CELF1: variants seen among roughly 807,000 people sequenced by gnomAD.
The protein encoded by CELF1 is CUGBP Elav-like family member 1.
CELF1 carries 10 observed loss-of-function variants against 61.8 expected under a neutral mutation model. That is an observed-to-expected ratio of 0.16 (90% confidence interval 0.10 to 0.27). CELF1 has a LOEUF of 0.27. Ranked by LOEUF, CELF1 falls within the 10% of genes least tolerant of loss-of-function variation. The pLI, the probability that CELF1 is intolerant of heterozygous loss-of-function variation, is 1.00. For missense variants in CELF1, 380 were observed against 639.1 expected, an observed-to-expected ratio of 0.59 and a Z score of 4.37; for synonymous variants, 236 against 225.1, an observed-to-expected ratio of 1.05 and a Z score of -0.43.
At chr11:47,544,734 G>A (rs1047996898) in intron 1 of CELF1, among the ~76,000 whole-genome samples, 4 of 152,048 alleles carry the variant, frequency 2.6e-5, no homozygotes, top group South Asian at 2.1e-4. Context: ...AGGCTGAGGC[G>A]GGCAGTTCAC....
intron 3 of CELF1, among the ~76,000 whole-genome samples, chr11:47,491,597 A>T (rs1182760735): frequency 1.3e-5 from 2 of 152,204 alleles, no homozygotes; most frequent in Admixed American, 1.3e-4. Context: ...AAGGCTCCCC[A>T]TATTCTTCCA....
intron 1 of CELF1, among the ~76,000 whole-genome samples, chr11:47,519,242 G>A (rs1449845963): frequency 1.3e-5 from 2 of 152,144 alleles, no homozygotes; most frequent in African/African-American, 4.8e-5. Flanking sequence ...CATTTTGGGA[G>A]GCCGAGGCAG....
intron 3 of CELF1, among the ~76,000 whole-genome samples, chr11:47,497,302 G>A (rs1265438964): frequency 6.6e-6 from 1 of 152,184 alleles, no homozygotes; most frequent in Admixed American, 6.5e-5. Flanking sequence ...AAAAAAGTCT[G>A]GGACACAACT....
At chr11:47,495,923 G>T (rs2093005154) in intron 3 of CELF1, 1 of 954,162 alleles carries the variant, frequency 1.0e-6, no homozygotes. Context: ...TATACAAAAA[G>T]AAAAAATTCA....
chr11:47,562,641 C>T (rs1256857860), intron 2 of CELF1, among the ~76,000 whole-genome samples: 1 of 150,326 alleles, frequency 6.7e-6, no homozygotes, highest in African/African-American at 2.4e-5. Flanking sequence ...AATCCCAGTA[C>T]TTTGGGAGGC....
chr11:47,488,712 G>GA (rs1338182566), intron 4 of CELF1, 125 bp downstream of exon 4: 2 of 654,750 alleles, frequency 3.1e-6, no homozygotes, highest in African/African-American at 3.7e-5. Flanking sequence ...ATGACAGAGA[G>GA]AATGCACATG....
chr11:47,519,178 C>A (rs1385316947), intron 1 of CELF1, among the ~76,000 whole-genome samples: 2 of 152,118 alleles, frequency 1.3e-5, no homozygotes, highest in African/African-American at 4.8e-5. Flanking sequence ...AAATTCTATT[C>A]TATTCTATTA....
chr11:47,544,121 G>A (rs552474172), intron 1 of CELF1, among the ~76,000 whole-genome samples: 2 of 152,226 alleles, frequency 1.3e-5, no homozygotes, highest in East Asian at 3.9e-4. Context: ...TATCCCTTAA[G>A]CCACAACAGA....
At chr11:47,552,592 G>A (rs1481787004) in intron 1 of CELF1, among the ~76,000 whole-genome samples, 2 of 152,214 alleles carry the variant, frequency 1.3e-5, no homozygotes, top group East Asian at 1.9e-4. Context: ...GACGACAGGG[G>A]CAGAGATGGG....
intron 1 of CELF1, among the ~76,000 whole-genome samples, chr11:47,527,304 T>C (rs1022756425): frequency 6.6e-6 from 1 of 152,104 alleles, no homozygotes; most frequent in Non-Finnish European, 1.5e-5. Context: ...GGTGGGAAGA[T>C]TCCTTGAGCC....
At chr11:47,558,567 A>T (rs1363908730) in intron 2 of CELF1, among the ~76,000 whole-genome samples, 2 of 112,730 alleles carry the variant, frequency 1.8e-5, no homozygotes, top group East Asian at 2.1e-4. Flanking sequence ...TTTATATATA[A>T]TATATAAATA....
At chr11:47,478,297 C>T (rs1022510338) in intron 10 of CELF1, among the ~76,000 whole-genome samples, 1 of 152,226 alleles carries the variant, frequency 6.6e-6, no homozygotes, top group African/African-American at 2.4e-5. Context: ...GGTGTAGGCA[C>T]AGGCAGCTTT....
At chr11:47,495,159 G>A (rs1007048252) in intron 3 of CELF1, among the ~76,000 whole-genome samples, 1 of 152,226 alleles carries the variant, frequency 6.6e-6, no homozygotes, top group Non-Finnish European at 1.5e-5. Flanking sequence ...AGTCAGAAGT[G>A]GAAAAGTTGC....
At chr11:47,517,655 A>ATTTTTTT (rs1328360672) in intron 1 of CELF1, among the ~76,000 whole-genome samples, 1 of 150,618 alleles carries the variant, frequency 6.6e-6, no homozygotes, top group Non-Finnish European at 1.5e-5. Context: ...ATTCTACAGA[A>ATTTTTTT]ATTTTTTTTT....
intron 9 of CELF1, among the ~76,000 whole-genome samples, chr11:47,480,897 G>A (rs1408943018): frequency 3.3e-5 from 5 of 151,996 alleles, no homozygotes; most frequent in Admixed American, 6.6e-5. Context: ...TTAGCCAGGC[G>A]TGGTGGCACA....
intron 1 of CELF1, among the ~76,000 whole-genome samples, chr11:47,519,545 C>T (rs1185754109): frequency 6.6e-6 from 1 of 151,870 alleles, no homozygotes; most frequent in African/African-American, 2.4e-5. Flanking sequence ...AATTATCATG[C>T]TTTCATCACT....
At chr11:47,543,552 A>G (rs560364605) in intron 1 of CELF1, among the ~76,000 whole-genome samples, 2 of 152,342 alleles carry the variant, frequency 1.3e-5, no homozygotes, top group African/African-American at 4.8e-5. Context: ...CTACTTTAAG[A>G]AGATTCTAAG....
chr11:47,520,268 T>A (rs900739888), intron 1 of CELF1, among the ~76,000 whole-genome samples: 1 of 152,234 alleles, frequency 6.6e-6, no homozygotes, highest in Non-Finnish European at 1.5e-5. Flanking sequence ...TTTCCCTGTC[T>A]AAATCAAATT....
intron 1 of CELF1, among the ~76,000 whole-genome samples, chr11:47,518,406 A>G (rs1249556556): frequency 1.3e-5 from 2 of 152,246 alleles, no homozygotes; most frequent in African/African-American, 4.8e-5. Flanking sequence ...TCCAGTAAAG[A>G]AGGCAAGGGA....
Sources: allele counts gnomAD v4.1 joint callset (sites outside exome capture counted in the v4.1 genomes callset), GRCh38; gene constraint gnomAD v4.1.1; transcripts MANE v1.5; gene names NCBI Gene and HGNC (gene_info 2026-07-23, HGNC 2026-07-21).